The following SEPTIN10 variants were observed in gnomAD, a reference collection of about 807,000 sequenced individuals.
SEPTIN10 encodes the protein septin 10.
Under a neutral mutation model 54.8 loss-of-function variants are expected in SEPTIN10, and 66 were observed. The observed-to-expected ratio is 1.21, with a 90% CI of 0.99 to 1.48. The LOEUF (loss-of-function observed/expected upper bound fraction) is 1.48. SEPTIN10 is among the 40% of genes most tolerant of loss of function. The pLI is 0.00. For missense variants in SEPTIN10, 620 were observed against 545.6 expected, an observed-to-expected ratio of 1.14 and a Z score of -1.36; for synonymous variants, 161 against 181.0, an observed-to-expected ratio of 0.89 and a Z score of 0.89.
intron 5 of SEPTIN10, among the ~76,000 whole-genome samples, chr2:109,570,188 A>G (rs72938256): frequency 0.064 from 9,815 of 152,282 alleles, 752 homozygotes; most frequent in East Asian, 0.24. Context: ...GGCAGTCCCA[A>G]TTTTAGAATT....
intron 1 of SEPTIN10, among the ~76,000 whole-genome samples, chr2:109,595,731 C>T (rs569424314): frequency 2.6e-5 from 4 of 152,160 alleles, no homozygotes; most frequent in African/African-American, 9.7e-5. Context: ...AAGGAAAAAA[C>T]GAACAGATTA....
At chr2:109,579,805 A>G (rs961820634) in intron 4 of SEPTIN10, among the ~76,000 whole-genome samples, 5 of 152,012 alleles carry the variant, frequency 3.3e-5, no homozygotes, top group Non-Finnish European at 7.4e-5. Context: ...GAAGGCTAAC[A>G]CAATCTTGAT....
At chr2:109,603,068 C>G (rs1177646400) in intron 1 of SEPTIN10, among the ~76,000 whole-genome samples, 1 of 151,656 alleles carries the variant, frequency 6.6e-6, no homozygotes, top group Non-Finnish European at 1.5e-5. Context: ...AAGGCCCTGT[C>G]TCAAAAACAA....
intron 4 of SEPTIN10, among the ~76,000 whole-genome samples, chr2:109,582,864 A>G (rs1490261124): frequency 1.3e-5 from 2 of 152,216 alleles, no homozygotes; most frequent in African/African-American, 2.4e-5. Context: ...AGAACCTAGA[A>G]ATAAAGCCGC....
chr2:109,590,422 TC>T lies in SEPTIN10; in HGVS notation c.99+2628del, dbSNP rs532343881. ...GTTGGGCCTGACCTAATGAGGTAAA[TC>T]CTTTTTTTTTTTCCTTTTTTCTTTT... On this transcript the variant is annotated intron_variant, in intron 2 of 10. Transcript: ENST00000397712. Among the ~76,000 whole-genome samples the T allele has an allele frequency of 9.8e-5, 14 of 142,426 alleles. No homozygotes were observed. In the East Asian group the frequency reaches 2.8e-3, roughly 29 times the overall value. The allele number at this position is 142,426 out of a possible 152,430, so 93.4% of individuals were successfully genotyped here.
intron 9 of SEPTIN10, chr2:109,552,479 TG>T (rs1242840252): frequency 6.6e-6 from 1 of 152,244 alleles, no homozygotes; most frequent in Non-Finnish European, 1.5e-5. Context: ...CCATTTCTAA[TG>T]GAAGAATATT....
chr2:109,591,937 C>T (rs1694161395), intron 2 of SEPTIN10, among the ~76,000 whole-genome samples: 1 of 151,998 alleles, frequency 6.6e-6, no homozygotes, highest in Non-Finnish European at 1.5e-5. Context: ...TACTGAATTA[C>T]CTATGTTTGT....
chr2:109,587,187 T>A (rs1692759352), intron 2 of SEPTIN10, among the ~76,000 whole-genome samples: 1 of 151,886 alleles, frequency 6.6e-6, no homozygotes, highest in African/African-American at 2.4e-5. Flanking sequence ...ATGAAAGAGC[T>A]CGCAACGACA....
At chr2:109,545,476 A>T in intron 10 of SEPTIN10, 2 of 1,536,070 alleles carry the variant, frequency 1.3e-6, no homozygotes, top group Non-Finnish European at 1.7e-6. Context: ...CTGCGTCTTT[A>T]CGTCCACCAT....
intron 1 of SEPTIN10, among the ~76,000 whole-genome samples, chr2:109,597,624 A>C (rs1265424977): frequency 1.3e-5 from 2 of 152,248 alleles, no homozygotes; most frequent in Non-Finnish European, 2.9e-5. Flanking sequence ...AGATACATAT[A>C]TATCACACAC....
rs1433230942 is a variant in SEPTIN10, at chr2:109,548,767, C to T, written c.1162-2530G>A. ...CTCCAGCTTGGGCCACAGAGTTAGG[C>T]TCCATCTCAAAAAAAAAAAAAAAAA... On this transcript the variant is annotated intron_variant, in intron 9 of 10. Coordinates refer to ENST00000397712, the MANE Select transcript of SEPTIN10 (RefSeq NM_144710.5). Among the ~76,000 whole-genome samples the T allele has an allele frequency of 5.7e-5, 6 of 104,800 alleles. No homozygotes were observed. In the Admixed American group the frequency reaches 7.0e-4, roughly 12 times the overall value. The allele number at this position is 104,800 out of a possible 152,430, so 68.8% of individuals were successfully genotyped here. A position where few individuals can be genotyped will look rare whatever the true frequency, so the allele number is the denominator to read the frequency against.
At chr2:109,568,858 T>C (rs1687693401) in intron 5 of SEPTIN10, among the ~76,000 whole-genome samples, 1 of 152,156 alleles carries the variant, frequency 6.6e-6, no homozygotes, top group Admixed American at 6.5e-5. Context: ...AAACTGTATG[T>C]ACTACTATCT....
At chr2:109,574,443 T>TTAA (rs767423727) in intron 5 of SEPTIN10, 138 bp downstream of exon 5, 7 of 271,398 alleles carry the variant, frequency 2.6e-5, no homozygotes, top group Non-Finnish European at 4.0e-5. Context: ...ACTTTATCTC[T>TTAA]AAAAAAAAAA....
chr2:109,590,031 T>C (rs1249896453), intron 2 of SEPTIN10, among the ~76,000 whole-genome samples: 2 of 147,698 alleles, frequency 1.4e-5, no homozygotes, highest in Admixed American at 6.8e-5. Flanking sequence ...TACACACACA[T>C]ATATACACAC....
Position 109,559,228 on chromosome 2 carries a change from T to C in SEPTIN10, c.1028+5138A>G, listed in dbSNP as rs546369103. Among the ~76,000 whole-genome samples the C allele has an allele frequency of 1.1e-3, 166 of 152,292 alleles. 1 individual carries two copies. The highest frequency in any genetic ancestry group is 3.8e-3 in the African/African-American group (158 of 41,564). On this transcript the variant is annotated intron_variant, in intron 8 of 10. Transcript: ENST00000397712. ...ACTATAAAAAATAAAAGCTTCCTAA[T>C]ACATCAGACTATAATGAGCTACAAA...
rs1293046585 is a variant in SEPTIN10, at chr2:109,593,056, G to C, written c.94C>G (p.Gln32Glu). The C allele has an allele frequency of 1.3e-6, 2 of 1,590,244 alleles. No individual in the cohort carries two copies. The highest frequency in any genetic ancestry group is 2.7e-5 in the African/African-American group (2 of 74,026). Residue 32 changes from glutamine (Q) to glutamate (E), a missense_variant, in exon 2 of 11, where the codon CAG (glutamine) becomes GAG (glutamate). Coordinates refer to ENST00000397712, the MANE Select transcript of SEPTIN10 (RefSeq NM_144710.5). Reference sequence around the variant, plus strand: ...TATTTAAAAGACATACTCACTATCTGTTCATCATCTGATCCTTGTGAAGAC... The same window carrying C: ...TATTTAAAAGACATACTCACTATCTCTTCATCATCTGATCCTTGTGAAGAC... ...CMSSQGSDDE[Q>E]IKRENIRSLT...
chr2:109,565,654 C>A (rs954557649), intron 7 of SEPTIN10, 109 bp downstream of exon 7: 2 of 975,382 alleles, frequency 2.1e-6, no homozygotes, highest in Non-Finnish European at 3.2e-6. Context: ...GCCAATTCCT[C>A]TGACAACCAA....
Position 109,543,898 on chromosome 2 carries a change from T to C in SEPTIN10, c.*411A>G. The C allele has an allele frequency of 2.3e-6, 1 of 436,240 alleles. No homozygotes were observed. Among genetic ancestry groups the C allele is most frequent in the South Asian group, 3.3e-5 (1 of 29,998 alleles). The allele number at this position is 436,240 out of a possible 1,614,324, so 27.0% of individuals were successfully genotyped here. ...TATACACAACGGGACCCGACTCTAA[T>C]TACATAATTCATGTTTCACATCCAC... On this transcript the variant is annotated 3_prime_UTR_variant, in exon 11 of 11. Transcript: ENST00000397712.
Position 109,585,341 on chromosome 2 carries a change from A to G in SEPTIN10, c.218-20T>C, listed in dbSNP as rs746286500. On this transcript the variant is annotated intron_variant, in intron 3 of 10. Coordinates refer to ENST00000397712, the MANE Select transcript of SEPTIN10 (RefSeq NM_144710.5). ...TTTCCCCTGAAACACACAAAGGTAC[A>G]TCTTTATGGTTGCATGAATGGCTGA... The G allele has an allele frequency of 1.0e-5, 16 of 1,569,076 alleles. No individual in the cohort carries two copies. Among genetic ancestry groups the G allele is most frequent in the Non-Finnish European group, 1.4e-5 (16 of 1,154,668 alleles).
Sources: gnomAD v4.1 joint callset for allele counts (sites outside exome capture counted in the v4.1 genomes callset) on GRCh38, gnomAD v4.1.1 for gene constraint, MANE v1.5 for transcripts, NCBI Gene and HGNC (gene_info 2026-07-23, HGNC 2026-07-21) for gene names.